KAT6B: variants seen among roughly 807,000 people sequenced by gnomAD.
The protein encoded by KAT6B is lysine acetyltransferase 6B, also known as histone acetyltransferase KAT6B.
KAT6B carries 10 observed loss-of-function variants against 187.5 expected under a neutral mutation model. The observed-to-expected ratio is 0.05, with a 90% CI of 0.03 to 0.09. The LOEUF is 0.09. KAT6B is among the 10% of genes least tolerant of loss of function. The pLI, the probability that KAT6B is intolerant of heterozygous loss-of-function variation, is 1.00. For synonymous variants in KAT6B, 861 were observed against 926.8 expected, an observed-to-expected ratio of 0.93 and a Z score of 1.29; for missense variants, 1,952 against 2,558.9, an observed-to-expected ratio of 0.76 and a Z score of 5.12.
In KAT6B at chr10:74,985,923, G is replaced by A. The variant is rs111708553; in HGVS notation, c.2535+682G>A. ...TAGCTGGGCCTGGTGGTGCACGCCT[G>A]TAGTCCCAGCTACTTGGGAGGCTGA... On this transcript the variant is annotated intron_variant, in intron 12 of 17. Coordinates refer to ENST00000287239, the MANE Select transcript of KAT6B (RefSeq NM_012330.4). Among the ~76,000 whole-genome samples the A allele has an allele frequency of 1.2e-4, 18 of 152,266 alleles. 3 individuals are homozygous for A. The highest frequency in any genetic ancestry group is 3.9e-4 in the African/African-American group (16 of 41,548).
intron 3 of KAT6B, among the ~76,000 whole-genome samples, chr10:74,857,600 T>C (rs1023545712): frequency 1.3e-5 from 2 of 152,260 alleles, no homozygotes; most frequent in Non-Finnish European, 2.9e-5. Flanking sequence ...TAGACATTTT[T>C]GGGGGAGCCC....
chr10:74,836,925 T>C (rs191275697), intron 1 of KAT6B, among the ~76,000 whole-genome samples: 43 of 152,376 alleles, frequency 2.8e-4, no homozygotes, highest in African/African-American at 9.1e-4. Flanking sequence ...AAATAACTGT[T>C]AGCAAGTAAA....
rs542056387 is a variant in KAT6B, at chr10:74,914,780, G to T, written c.622-45190G>T. On this transcript the variant is annotated intron_variant, in intron 3 of 17. Transcript: ENST00000287239. ...TTTATAGTGTTCTTTTAAAAGCAAA[G>T]AAAATATCTTTAAAAATCCCAGCTT... Among the ~76,000 whole-genome samples, 49 of 152,208 alleles carry T rather than the reference G, an allele frequency of 3.2e-4. 1 individual carries two copies. Among genetic ancestry groups the T allele is most frequent in the African/African-American group, 1.1e-3 (46 of 41,526 alleles).
chr10:74,840,398 A>T (rs1322884389), intron 2 of KAT6B, among the ~76,000 whole-genome samples: 2 of 152,204 alleles, frequency 1.3e-5, no homozygotes, highest in Non-Finnish European at 2.9e-5. Context: ...GTTTTTGGAC[A>T]TTTGAAGGCC....
At chr10:74,955,411 A>G (rs1237194329) in intron 3 of KAT6B, among the ~76,000 whole-genome samples, 1 of 133,248 alleles carries the variant, frequency 7.5e-6, no homozygotes, top group Non-Finnish European at 1.6e-5. Flanking sequence ...TTTGTTTGGA[A>G]AAGTTGTAAA....
chr10:74,942,970 C>T (rs1849801635), intron 3 of KAT6B, among the ~76,000 whole-genome samples: 1 of 151,974 alleles, frequency 6.6e-6, no homozygotes, highest in Non-Finnish European at 1.5e-5. Context: ...AATAATGTCT[C>T]TTACAGTATT....
chr10:74,926,489 T>C (rs1848512944), intron 3 of KAT6B, among the ~76,000 whole-genome samples: 1 of 152,208 alleles, frequency 6.6e-6, no homozygotes, highest in African/African-American at 2.4e-5. Context: ...AACACCACTG[T>C]ATCCATATTG....
chr10:74,984,449 T>G (rs1284226985), intron 11 of KAT6B: 1 of 152,576 alleles, frequency 6.6e-6, no homozygotes, highest in East Asian at 1.9e-4. Flanking sequence ...TTGATTCTTT[T>G]ATTTTGAAGA....
intron 3 of KAT6B, among the ~76,000 whole-genome samples, chr10:74,864,027 T>C (rs1843375700): frequency 6.6e-6 from 1 of 152,210 alleles, no homozygotes; most frequent in East Asian, 1.9e-4. Context: ...CTTATATTTT[T>C]ATGAGTTTGT....
intron 12 of KAT6B, among the ~76,000 whole-genome samples, chr10:74,985,869 AC>A (rs749093091): frequency 1.9e-4 from 29 of 151,984 alleles, no homozygotes; most frequent in Non-Finnish European, 3.2e-4. Context: ...ACATGGTGAA[AC>A]CCCATCTCTA....
At chr10:75,001,256 C>T (rs2133969453) in intron 13 of KAT6B, among the ~76,000 whole-genome samples, 1 of 152,232 alleles carries the variant, frequency 6.6e-6, no homozygotes, top group Middle Eastern at 3.4e-3. Flanking sequence ...GTGCCACAAC[C>T]ACCCACGTCC....
chr10:74,993,848 A>G (rs1257530834), intron 13 of KAT6B, among the ~76,000 whole-genome samples: 2 of 152,168 alleles, frequency 1.3e-5, no homozygotes, highest in African/African-American at 4.8e-5. Flanking sequence ...TTTGGCAGGA[A>G]TACCATAGAA....
chr10:75,001,378 C>T (rs1843824374), intron 13 of KAT6B, among the ~76,000 whole-genome samples: 1 of 152,112 alleles, frequency 6.6e-6, no homozygotes, highest in Admixed American at 6.5e-5. Context: ...TTTCCTGCTC[C>T]CTGCTTCTCT....
chr10:74,852,530 G>A (rs1411083694), intron 3 of KAT6B, among the ~76,000 whole-genome samples: 1 of 152,182 alleles, frequency 6.6e-6, no homozygotes, highest in African/African-American at 2.4e-5. Context: ...CAGTTGTTGA[G>A]ACATTGTTGA....
At chr10:74,872,122 G>T (rs1044276623) in intron 3 of KAT6B, among the ~76,000 whole-genome samples, 2 of 152,122 alleles carry the variant, frequency 1.3e-5, no homozygotes, top group African/African-American at 4.8e-5. Context: ...ATTGTGTCTG[G>T]CACAGACTAG....
At chr10:74,937,246 T>C (rs1288557983) in intron 3 of KAT6B, among the ~76,000 whole-genome samples, 1 of 152,192 alleles carries the variant, frequency 6.6e-6, no homozygotes, top group East Asian at 1.9e-4. Context: ...CCAAATATGC[T>C]GGAATTCATA....
At chr10:74,955,226 A>G (rs1233608977) in intron 3 of KAT6B, among the ~76,000 whole-genome samples, 1 of 152,206 alleles carries the variant, frequency 6.6e-6, no homozygotes, top group Non-Finnish European at 1.5e-5. Context: ...AAAAAAACAT[A>G]TATGTTCAGT....
At position 74,976,090 on chromosome 10, in the gene KAT6B, G is replaced by A; in HGVS notation, c.1753G>A (p.Ala585Thr). ...ATTATCTTCCACGGCAAAATCTAAA[G>A]CCCACTTCTTTGGCAAAAGAGATAT... ...TELSSTAKSK[A>T]HFFGKRDIRS... is the part of the protein sequence containing the mutation. The change falls in exon 8 of 18, where the codon GCC becomes ACC. Residue 585 changes from alanine to threonine, a missense_variant. Ala to Thr is a moderately conservative substitution (Grantham distance 58, BLOSUM62 0). Coordinates refer to ENST00000287239, the MANE Select transcript of KAT6B (RefSeq NM_012330.4). 1.2e-6 allele frequency: 2 copies of A among 1,614,130 alleles called. No homozygotes were observed. Among genetic ancestry groups the A allele is most frequent in the Non-Finnish European group, 1.7e-6 (2 of 1,180,032 alleles).
Position 74,981,849 on chromosome 10 carries a change from T to C in KAT6B, c.2294T>C (p.Leu765Pro). Residue 765 changes from leucine (L) to proline (P), a missense_variant, in exon 11 of 18, where the codon CTA (leucine) becomes CCA (proline). Leu to Pro is a moderately conservative substitution (Grantham distance 98, BLOSUM62 -3). Around this residue, in one of 9 missense-constraint regions of KAT6B, gnomAD observed 87 missense variants for 191.8 expected, o/e 0.45. Coordinates refer to ENST00000287239, the MANE Select transcript of KAT6B (RefSeq NM_012330.4). The part of the protein sequence containing the change: ...LKYMKSKNIL[L>P]RHSKKCGWFH... ...TATATGAAAAGTAAAAATATTTTGC[T>C]AAGACACTCCAAGAAGTGTGGATGG... The C allele has an allele frequency of 2.5e-6, 4 of 1,597,574 alleles. No individual in the cohort carries two copies. Among genetic ancestry groups the C allele is most frequent in the Non-Finnish European group, 3.4e-6 (4 of 1,164,868 alleles).
Sources: allele counts gnomAD v4.1 joint callset (sites outside exome capture counted in the v4.1 genomes callset), GRCh38; gene constraint gnomAD v4.1.1; regional missense constraint gnomAD v4.1.1; transcripts MANE v1.5; gene names NCBI Gene and HGNC (gene_info 2026-07-23, HGNC 2026-07-21).